The following PLEKHA5 variants were observed in gnomAD, a reference collection of about 807,000 sequenced individuals.
PLEKHA5 encodes pleckstrin homology domain-containing family A member 5.
In PLEKHA5, 55 loss-of-function variants were observed where a neutral mutation model predicts 181.9. The ratio of observed to expected loss-of-function variants is 0.30; its 90% CI spans 0.24 to 0.38. The LOEUF is 0.38. Among genes scored for constraint, PLEKHA5 ranks in the 10% least tolerant of loss-of-function variants. PLEKHA5 has a pLI of 1.00. For missense variants in PLEKHA5, 1,432 were observed against 1,549.5 expected (o/e 0.92, Z 1.27); for synonymous variants, 535 against 529.4 (o/e 1.01, Z -0.15).
At chr12:19,153,868 G>C (rs569962748) in intron 3 of PLEKHA5, 1 of 152,300 alleles carries the variant, frequency 6.6e-6, no homozygotes, top group East Asian at 1.9e-4. Flanking sequence ...AGCAAGGTTG[G>C]TCTAGCCTCA....
At chr12:19,269,068 TTAAA>T (rs1235189758) in intron 8 of PLEKHA5, among the ~76,000 whole-genome samples, 7 of 152,092 alleles carry the variant, frequency 4.6e-5, no homozygotes, top group South Asian at 4.2e-4. Context: ...GGGAATATTC[TTAAA>T]TAAAGAATAT....
At chr12:19,243,786 G>A (rs763189495) in intron 3 of PLEKHA5, among the ~76,000 whole-genome samples, 2 of 152,118 alleles carry the variant, frequency 1.3e-5, no homozygotes, top group African/African-American at 4.8e-5. Context: ...AAAAATTACA[G>A]TCTTTGAGAT....
At chr12:19,358,907 C>T (rs2095083803) in intron 27 of PLEKHA5, among the ~76,000 whole-genome samples, 2 of 152,174 alleles carry the variant, frequency 1.3e-5, no homozygotes, top group Admixed American at 1.3e-4. Flanking sequence ...CAACTTCAGG[C>T]TTATAAAGTG....
intron 3 of PLEKHA5, among the ~76,000 whole-genome samples, chr12:19,164,204 T>TG (rs1591876527): frequency 6.8e-6 from 1 of 146,138 alleles, no homozygotes; most frequent in Non-Finnish European, 1.5e-5. Flanking sequence ...TTTGTTTTTT[T>TG]TTTTTTTTTT....
chr12:19,290,835 A>C (rs2078247094), intron 14 of PLEKHA5, 39 bp downstream of exon 14: 1 of 1,496,302 alleles, frequency 6.7e-7, no homozygotes, highest in African/African-American at 1.4e-5. Flanking sequence ...GTCTGCCATC[A>C]TCTCTTATTT....
At chr12:19,329,280 A>G (rs1037316707) in intron 20 of PLEKHA5, among the ~76,000 whole-genome samples, 2 of 151,958 alleles carry the variant, frequency 1.3e-5, no homozygotes, top group Non-Finnish European at 2.9e-5. Context: ...TTCATCAGGG[A>G]TATTGGCCTT....
chr12:19,203,775 C>G (rs982014361), intron 3 of PLEKHA5, among the ~76,000 whole-genome samples: 3 of 152,112 alleles, frequency 2.0e-5, no homozygotes, highest in Non-Finnish European at 4.4e-5. Context: ...ATTTTTGTTT[C>G]CATTGTGTAT....
At chr12:19,345,418 A>G (rs2094257094) in intron 22 of PLEKHA5, among the ~76,000 whole-genome samples, 1 of 150,864 alleles carries the variant, frequency 6.6e-6, no homozygotes, top group Non-Finnish European at 1.5e-5. Context: ...ATAAAAATAA[A>G]AAATAAAAAT....
chr12:19,272,247 G>A (rs972834570), intron 10 of PLEKHA5, among the ~76,000 whole-genome samples: 13 of 152,008 alleles, frequency 8.6e-5, no homozygotes, highest in African/African-American at 3.1e-4. Context: ...ATATCTCAGT[G>A]TATTTTCTGC....
chr12:19,358,153 T>A (rs1330199888), intron 26 of PLEKHA5, 75 bp from the exon 27 acceptor site: 2 of 998,566 alleles, frequency 2.0e-6, no homozygotes, highest in South Asian at 1.5e-5. Context: ...AAATGCACTT[T>A]ACAACATTTT....
At chr12:19,327,496 A>G (rs983754047) in intron 20 of PLEKHA5, among the ~76,000 whole-genome samples, 4 of 150,674 alleles carry the variant, frequency 2.7e-5, no homozygotes, top group African/African-American at 9.8e-5. Context: ...TGGATATTCA[A>G]CCTTTGTCGG....
At chr12:19,339,316 C>T (rs962465134) in intron 21 of PLEKHA5, among the ~76,000 whole-genome samples, 3 of 152,292 alleles carry the variant, frequency 2.0e-5, no homozygotes, top group African/African-American at 7.2e-5. Context: ...GCTAGGATTA[C>T]AGGCATGAGC....
chr12:19,307,596 C>T (rs985866240), intron 15 of PLEKHA5: 2 of 324,966 alleles, frequency 6.2e-6, no homozygotes, highest in Non-Finnish European at 1.2e-5. Flanking sequence ...GAGGAGGACT[C>T]TCATCTTCTA....
At chr12:19,254,047 G>T (rs1266105537) in intron 4 of PLEKHA5, 24 bp downstream of exon 4, 1 of 1,365,596 alleles carries the variant, frequency 7.3e-7, no homozygotes, top group South Asian at 1.2e-5. Flanking sequence ...TTCATGGAAT[G>T]CCTGTATTCA....
rs2077965233 is a variant in PLEKHA5, at chr12:19,289,634, A to T, written c.1864-1043A>T. On this transcript the variant is annotated intron_variant, in intron 13 of 31. Coordinates refer to ENST00000429027, the MANE Select transcript of PLEKHA5 (RefSeq NM_001256470.2). ...CTGTATTTCTAAGAAAAGTATATTA[A>T]ATTGGCCCATTAAGGAATTTCATCC... Among the ~76,000 whole-genome samples the T allele has an allele frequency of 2.0e-5, 3 of 152,176 alleles. No individual in the cohort carries two copies. In the South Asian group the frequency reaches 6.2e-4, roughly 32 times the overall value.
intron 3 of PLEKHA5, 112 bp downstream of exon 3, chr12:19,132,562 T>C (rs760435634): frequency 1.5e-6 from 1 of 654,832 alleles, no homozygotes; most frequent in Non-Finnish European, 2.7e-6. Context: ...GTTTATCATA[T>C]AATGGTGACT....
intron 25 of PLEKHA5, among the ~76,000 whole-genome samples, chr12:19,353,160 T>G (rs1040948539): frequency 9.2e-5 from 14 of 151,472 alleles, no homozygotes; most frequent in African/African-American, 2.9e-4. Context: ...TATTTATTTT[T>G]TTATTTATTT....
At chr12:19,202,854 C>G (rs1363968679) in intron 3 of PLEKHA5, among the ~76,000 whole-genome samples, 1 of 152,078 alleles carries the variant, frequency 6.6e-6, no homozygotes, top group Non-Finnish European at 1.5e-5. Flanking sequence ...TACAAATGCA[C>G]TGTCCTACCT....
intron 3 of PLEKHA5, among the ~76,000 whole-genome samples, chr12:19,160,763 A>G (rs1049985226): frequency 6.6e-6 from 1 of 152,082 alleles, no homozygotes; most frequent in East Asian, 1.9e-4. Flanking sequence ...ACTTTTTTAT[A>G]TAATAATAAA....
Sources: gnomAD v4.1 joint callset for allele counts (sites outside exome capture counted in the v4.1 genomes callset) on GRCh38, gnomAD v4.1.1 for gene constraint, MANE v1.5 for transcripts, NCBI Gene and HGNC (gene_info 2026-07-23, HGNC 2026-07-21) for gene names.